PCDHA3: variants seen among roughly 807,000 people sequenced by gnomAD.
The protein encoded by PCDHA3 is protocadherin alpha-3.
Under a neutral mutation model 62.2 loss-of-function variants are expected in PCDHA3, and 41 were observed. That is an observed-to-expected ratio of 0.66 (90% CI 0.51 to 0.86). The LOEUF (loss-of-function observed/expected upper bound fraction) is 0.86, where lower values mean the gene tolerates loss of function less well. Among genes scored for constraint, PCDHA3 ranks in the 40% least tolerant of loss-of-function variants. The pLI is 0.00. For missense variants in PCDHA3, 1,304 were observed against 1,241.2 expected (o/e 1.05, Z -0.76); for synonymous variants, 640 against 555.4 (o/e 1.15, Z -2.14).
At chr5:140,828,013 T>A in intron 1 of PCDHA3, 1 of 1,508,370 alleles carries the variant, frequency 6.6e-7, no homozygotes, top group Admixed American at 2.2e-5. Flanking sequence ...AAGAAATGGA[T>A]TAATAAATTC....
chr5:140,905,163 G>A (rs782288723), intron 1 of PCDHA3, among the ~76,000 whole-genome samples: 30 of 152,274 alleles, frequency 2.0e-4, no homozygotes, highest in African/African-American at 7.0e-4. Flanking sequence ...AATTTTCATG[G>A]TTTCAGGTTT....
intron 1 of PCDHA3, among the ~76,000 whole-genome samples, chr5:140,885,615 AAT>A (rs1411025177): frequency 6.6e-6 from 1 of 152,162 alleles, no homozygotes; most frequent in African/African-American, 2.4e-5. Context: ...TTAATTATAA[AAT>A]ATGTCACTGG....
intron 2 of PCDHA3, among the ~76,000 whole-genome samples, chr5:140,980,367 C>A (rs1245361324): frequency 2.6e-5 from 4 of 152,174 alleles, no homozygotes; most frequent in Non-Finnish European, 5.9e-5. Flanking sequence ...CGCGGTGGCT[C>A]ACACCTGTAA....
At chr5:141,005,956 A>G (rs1272905916) in intron 3 of PCDHA3, among the ~76,000 whole-genome samples, 2 of 152,020 alleles carry the variant, frequency 1.3e-5, no homozygotes, top group Admixed American at 1.3e-4. Flanking sequence ...CTAACAAACA[A>G]CAATAAAAAA....
At chr5:140,983,092 T>C (rs782172308) in intron 3 of PCDHA3, among the ~76,000 whole-genome samples, 4 of 152,178 alleles carry the variant, frequency 2.6e-5, no homozygotes, top group Non-Finnish European at 5.9e-5. Flanking sequence ...TCAAAGTCAA[T>C]CTGCTTCTCT....
At chr5:140,857,626 G>T in intron 1 of PCDHA3, 1 of 1,596,672 alleles carries the variant, frequency 6.3e-7, no homozygotes, top group Non-Finnish European at 8.6e-7. Flanking sequence ...ACCACGAGGA[G>T]CTGGAGCTGC....
chr5:140,986,011 T>A (rs1172713730), intron 3 of PCDHA3, among the ~76,000 whole-genome samples: 1 of 152,184 alleles, frequency 6.6e-6, no homozygotes, highest in Non-Finnish European at 1.5e-5. Flanking sequence ...AGTGCTGGGA[T>A]TACAGGCGTG....
At chr5:140,999,892 G>A (rs1329841334) in intron 3 of PCDHA3, among the ~76,000 whole-genome samples, 1 of 152,134 alleles carries the variant, frequency 6.6e-6, no homozygotes, top group Non-Finnish European at 1.5e-5. Context: ...GCTGTAGCTT[G>A]GGACACCAAA....
At chr5:140,822,017 G>A in intron 1 of PCDHA3, 8 of 1,614,172 alleles carry the variant, frequency 5.0e-6, no homozygotes, top group African/African-American at 2.7e-5. Flanking sequence ...CTGCAGAATG[G>A]CATTTTGTTT....
intron 1 of PCDHA3, chr5:140,812,147 T>TTTGTTGGTGTTGTTG (rs1765044275): frequency 6.6e-6 from 1 of 150,790 alleles, no homozygotes; most frequent in Non-Finnish European, 1.5e-5. Flanking sequence ...GTTTTGGGCT[T>TTTGTTGGTGTTGTTG]TTGTTGTTGT....
intron 1 of PCDHA3, chr5:140,869,960 C>G: frequency 6.2e-7 from 1 of 1,612,264 alleles, no homozygotes; most frequent in Non-Finnish European, 8.5e-7. Flanking sequence ...TCAATTAAGC[C>G]CAATGGAAGA....
chr5:140,943,333 T>C (rs1337058167), intron 1 of PCDHA3, among the ~76,000 whole-genome samples: 1 of 150,974 alleles, frequency 6.6e-6, no homozygotes, highest in East Asian at 1.9e-4. Flanking sequence ...GTAGTATCCA[T>C]TGGACAGGAT....
chr5:140,872,346 G>A (rs2053606612), intron 1 of PCDHA3, among the ~76,000 whole-genome samples: 1 of 152,022 alleles, frequency 6.6e-6, no homozygotes, highest in Admixed American at 6.6e-5. Context: ...ACATGTTCTT[G>A]CCAGGCAAAG....
intron 1 of PCDHA3, among the ~76,000 whole-genome samples, chr5:140,873,862 T>A (rs188055479): frequency 4.1e-4 from 62 of 152,308 alleles, no homozygotes; most frequent in Admixed American, 1.1e-3. Context: ...GTTTTCACCA[T>A]GTTGGCCAGG....
intron 1 of PCDHA3, chr5:140,868,015 G>A (rs1161077691): frequency 6.6e-6 from 1 of 152,028 alleles, no homozygotes; most frequent in African/African-American, 2.4e-5. Flanking sequence ...TTAGATTAAG[G>A]AAACCAATGT....
chr5:140,807,977 C>T, intron 1 of PCDHA3: 2 of 1,613,728 alleles, frequency 1.2e-6, no homozygotes, highest in Middle Eastern at 1.6e-4. Flanking sequence ...GGTAATTAAA[C>T]TTAACGCCTC....
intron 1 of PCDHA3, chr5:140,868,284 G>A (rs1554161873): frequency 6.6e-6 from 1 of 152,004 alleles, no homozygotes; most frequent in Non-Finnish European, 1.5e-5. Flanking sequence ...TACCAAGTTT[G>A]AGAATATGAA....
In PCDHA3 at chr5:141,010,461, G is replaced by A; in HGVS notation, c.*524G>A. The A allele has an allele frequency of 1.2e-6, 1 of 823,014 alleles. No homozygotes were observed. The highest frequency in any genetic ancestry group is 1.8e-6 in the Non-Finnish European group (1 of 553,022). The allele number at this position is 823,014 out of a possible 1,614,324, so 51.0% of individuals were successfully genotyped here. A position where few individuals can be genotyped will look rare whatever the true frequency, so the allele number is the denominator to read the frequency against. On this transcript the variant is annotated 3_prime_UTR_variant, in exon 4 of 4. Transcript: ENST00000522353. ...GACAAATAAACAGCGGAAGTTATCA[G>A]TATGGAGGGGAAGTGTAAACTTAAA...
chr5:140,863,469 G>T, intron 1 of PCDHA3: 3 of 498,172 alleles, frequency 6.0e-6, no homozygotes, highest in South Asian at 4.7e-5. Context: ...TTACTCTGGA[G>T]AGTCGCCTCC....
Sources: gnomAD v4.1 joint callset for allele counts (sites outside exome capture counted in the v4.1 genomes callset) on GRCh38, gnomAD v4.1.1 for gene constraint, MANE v1.5 for transcripts, NCBI Gene and HGNC (gene_info 2026-07-23, HGNC 2026-07-21) for gene names.